The following UNC5D variants were observed in gnomAD, a reference collection of about 807,000 sequenced individuals.
UNC5D encodes netrin receptor UNC5D.
In UNC5D, 39 loss-of-function variants were observed where a neutral mutation model predicts 105.4. The ratio of observed to expected loss-of-function variants is 0.37; its 90% CI spans 0.29 to 0.48. UNC5D has a LOEUF of 0.48. Ranked by LOEUF, UNC5D falls within the 20% of genes least tolerant of loss-of-function variation. UNC5D has a pLI of 0.98. For missense variants in UNC5D, 991 were observed against 1,202.4 expected, an observed-to-expected ratio of 0.82 and a Z score of 2.60; for synonymous variants, 452 against 450.4, an observed-to-expected ratio of 1.00 and a Z score of -0.04.
intron 7 of UNC5D, 71 bp downstream of exon 7, chr8:35,686,780 A>G: frequency 6.7e-7 from 1 of 1,496,432 alleles, no homozygotes; most frequent in Non-Finnish European, 8.9e-7. Flanking sequence ...AAAGTAAGCT[A>G]CAGCCATTAA....
chr8:35,566,628 G>T (rs1179723343), intron 2 of UNC5D, among the ~76,000 whole-genome samples: 2 of 152,158 alleles, frequency 1.3e-5, no homozygotes, highest in Non-Finnish European at 2.9e-5. Flanking sequence ...ATTTACAAAC[G>T]CTGACTGTGG....
intron 2 of UNC5D, among the ~76,000 whole-genome samples, 175 bp downstream of exon 2, chr8:35,549,685 CT>C (rs775884314): frequency 4.6e-5 from 7 of 152,256 alleles, no homozygotes; most frequent in African/African-American, 9.6e-5. Context: ...CTACAGCTGC[CT>C]TGGTAGTCCC....
intron 1 of UNC5D, among the ~76,000 whole-genome samples, chr8:35,504,556 C>T (rs778753690): frequency 1.3e-5 from 2 of 152,022 alleles, no homozygotes; most frequent in Non-Finnish European, 2.9e-5. Flanking sequence ...TAAGGAAGGC[C>T]GAGGTTTTAC....
Position 35,684,653 on chromosome 8 carries a change from C to T in UNC5D, c.823C>T (p.Arg275Cys), listed in dbSNP as rs775726745. ...NVRCGRGWQK[R>C]SRTCTNPAPL... ...TCGCTGTGGTAGAGGATGGCAGAAA[C>T]GTTCCCGGACCTGCACCAACCCAGC... Residue 275 changes from arginine (R) to cysteine (C), a missense_variant, in exon 6 of 17, where the codon CGT (arginine) becomes TGT (cysteine). By Grantham distance (180) the Arg-to-Cys change is radical. Coordinates refer to ENST00000404895, the MANE Select transcript of UNC5D (RefSeq NM_080872.4). 6.2e-7 allele frequency: 1 copy of T among 1,613,974 alleles called. No individual in the cohort carries two copies.
At chr8:35,434,624 T>C (rs1322700383) in intron 1 of UNC5D, among the ~76,000 whole-genome samples, 1 of 152,132 alleles carries the variant, frequency 6.6e-6, no homozygotes, top group Non-Finnish European at 1.5e-5. Context: ...CATTCTCTTA[T>C]TATAAATCAA....
chr8:35,355,599 G>A (rs1245422849), intron 1 of UNC5D, among the ~76,000 whole-genome samples: 3 of 152,196 alleles, frequency 2.0e-5, no homozygotes, highest in East Asian at 1.9e-4. Flanking sequence ...TACTATTAAC[G>A]TTGGGTGTTA....
chr8:35,644,068 C>A (rs1003445826), intron 4 of UNC5D, among the ~76,000 whole-genome samples: 4 of 152,152 alleles, frequency 2.6e-5, no homozygotes, highest in African/African-American at 9.6e-5. Context: ...TTTCACTATG[C>A]ACATTTCACA....
chr8:35,544,234 A>G (rs1815479836), intron 1 of UNC5D, among the ~76,000 whole-genome samples: 1 of 152,174 alleles, frequency 6.6e-6, no homozygotes, highest in Non-Finnish European at 1.5e-5. Flanking sequence ...CGGAGTTTCC[A>G]CATTCCTTAG....
intron 1 of UNC5D, among the ~76,000 whole-genome samples, chr8:35,530,832 A>G (rs1221082699): frequency 6.2e-5 from 9 of 145,992 alleles, no homozygotes; most frequent in African/African-American, 2.1e-4. Flanking sequence ...GTTTATTTGC[A>G]TAGAGGTGTT....
chr8:35,594,270 C>G (rs541859775), intron 3 of UNC5D, among the ~76,000 whole-genome samples: 16 of 152,226 alleles, frequency 1.1e-4, no homozygotes, highest in African/African-American at 3.9e-4. Flanking sequence ...GAGTAAAATT[C>G]GGAGGAAAGT....
chr8:35,346,461 G>A (rs1393075461), intron 1 of UNC5D, among the ~76,000 whole-genome samples: 11 of 151,942 alleles, frequency 7.2e-5, no homozygotes, highest in African/African-American at 2.4e-4. Context: ...TGCACAGTCC[G>A]TATGTGAACT....
rs528592597 is a variant in UNC5D, at chr8:35,408,051, T to C, written c.104-141241T>C. ...AAAATGAAAGACTAAACTGCAATTA[T>C]TCCTTAATCATTAGATCATTTAAAA... On this transcript the variant is annotated intron_variant, in intron 1 of 16. Transcript: ENST00000404895. Among the ~76,000 whole-genome samples the C allele has an allele frequency of 6.3e-4, 96 of 152,284 alleles. 1 individual carries two copies. The South Asian group carries it at 0.02, about 31-fold the overall frequency.
At chr8:35,772,018 C>CT (rs140079843) in intron 15 of UNC5D, among the ~76,000 whole-genome samples, 4,182 of 152,232 alleles carry the variant, frequency 0.027, 185 homozygotes, top group African/African-American at 0.095. Flanking sequence ...AAAGTGAGGT[C>CT]TTTCTGCTTC....
chr8:35,554,780 T>G (rs1816419717), intron 2 of UNC5D, among the ~76,000 whole-genome samples: 2 of 152,214 alleles, frequency 1.3e-5, no homozygotes, highest in African/African-American at 4.8e-5. Flanking sequence ...CGAATTCTAA[T>G]GAGTGAAATA....
intron 1 of UNC5D, among the ~76,000 whole-genome samples, chr8:35,480,814 G>T (rs1465976200): frequency 6.6e-6 from 1 of 152,144 alleles, no homozygotes; most frequent in Non-Finnish European, 1.5e-5. Flanking sequence ...AATAACTCTA[G>T]ACCCTTGGTC....
chr8:35,270,801 T>C (rs7005219), intron 1 of UNC5D, among the ~76,000 whole-genome samples: 7,450 of 152,214 alleles, frequency 0.049, 206 homozygotes, highest in African/African-American at 0.074. Context: ...GCTCATAACA[T>C]ACAGTAAATT....
At chr8:35,382,613 A>C (rs1803114326) in intron 1 of UNC5D, among the ~76,000 whole-genome samples, 1 of 152,184 alleles carries the variant, frequency 6.6e-6, no homozygotes, top group Admixed American at 6.5e-5. Flanking sequence ...ATGGGGCTTT[A>C]ATATTTCATT....
chr8:35,295,308 G>A (rs975320765), intron 1 of UNC5D, among the ~76,000 whole-genome samples: 1 of 152,016 alleles, frequency 6.6e-6, no homozygotes, highest in African/African-American at 2.4e-5. Flanking sequence ...TATACTTTGT[G>A]CATTAATGAC....
intron 1 of UNC5D, among the ~76,000 whole-genome samples, chr8:35,443,686 A>G (rs1254089398): frequency 6.6e-6 from 1 of 151,996 alleles, no homozygotes; most frequent in Admixed American, 6.6e-5. Flanking sequence ...TTTTATTATT[A>G]TGGTTAAATG....
Sources: gnomAD v4.1 joint callset for allele counts (sites outside exome capture counted in the v4.1 genomes callset) on GRCh38, gnomAD v4.1.1 for gene constraint, MANE v1.5 for transcripts, NCBI Gene and HGNC (gene_info 2026-07-23, HGNC 2026-07-21) for gene names.